Variants in SULF2 observed in about 807,000 individuals in gnomAD.
The protein encoded by SULF2 is sulfatase 2.
A neutral mutation model predicts 107.7 loss-of-function variants in SULF2; 52 were observed. The observed-to-expected ratio is 0.48, with a 90% CI of 0.39 to 0.61. SULF2 has a LOEUF of 0.61. Among genes scored for constraint, SULF2 ranks in the 20% least tolerant of loss-of-function variants. The pLI, the probability that SULF2 is intolerant of heterozygous loss-of-function variation, is 0.00. For missense variants in SULF2, 993 were observed against 1,177.3 expected (o/e 0.84, Z 2.29); for synonymous variants, 460 against 464.3 (o/e 0.99, Z 0.12).
intron 2 of SULF2, among the ~76,000 whole-genome samples, chr20:47,743,996 C>T (rs951018807): frequency 6.6e-6 from 1 of 152,116 alleles, no homozygotes; most frequent in Non-Finnish European, 1.5e-5. Context: ...TCCTTCTTGC[C>T]TTTTGCTGCT....
rs536732621 is a variant in SULF2, at chr20:47,684,560, C to G, written c.759G>C (p.Ala253=). 1.2e-6 allele frequency: 2 copies of G among 1,613,736 alleles called. No homozygotes were observed. The highest frequency in any genetic ancestry group is 8.5e-7 in the Non-Finnish European group (1 of 1,179,882). The change falls in exon 6 of 21, where the codon GCG becomes GCC. Residue 253 remains alanine (A), a synonymous_variant. Coordinates refer to ENST00000688720, the MANE Select transcript of SULF2 (RefSeq NM_001387048.1). ...SQHITPSYNY[A]PNPDKHWIMR... ...TGATCCAGTGTTTGTCCGGGTTGGG[C>G]GCGTAGTTGTAGCTCGGCGTGCTGG...
chr20:47,747,200 C>G (rs6094809), intron 2 of SULF2, among the ~76,000 whole-genome samples: 74,585 of 151,630 alleles, frequency 0.49, 18,375 homozygotes, highest in South Asian at 0.54. Flanking sequence ...TGAACCATTC[C>G]TGACTCTTGG....
Position 47,658,088 on chromosome 20 carries a change from T to G in SULF2, c.*274A>C, listed in dbSNP as rs1325858611. 1 of 510,112 alleles carries G rather than the reference T, an allele frequency of 2.0e-6. No individual in the cohort carries two copies. The highest frequency in any genetic ancestry group is 3.5e-6 in the Non-Finnish European group (1 of 285,316). The allele number at this position is 510,112 out of a possible 1,614,324, so 31.6% of individuals were successfully genotyped here. ...CCTTTGTGAGCTTCTGGGGGAGGGT[T>G]AGTGGTGACTTTTTGATACGAAAAA... On this transcript the variant is annotated 3_prime_UTR_variant, in exon 21 of 21. Coordinates refer to ENST00000688720, the MANE Select transcript of SULF2 (RefSeq NM_001387048.1).
At chr20:47,700,749 C>A (rs2088538820) in intron 4 of SULF2, among the ~76,000 whole-genome samples, 1 of 151,524 alleles carries the variant, frequency 6.6e-6, no homozygotes, top group Non-Finnish European at 1.5e-5. Flanking sequence ...GGGTTCACAC[C>A]ATTCTCCTGC....
At chr20:47,716,495 ACT>A (rs1183771835) in intron 3 of SULF2, among the ~76,000 whole-genome samples, 2 of 152,108 alleles carry the variant, frequency 1.3e-5, no homozygotes, top group Non-Finnish European at 2.9e-5. Flanking sequence ...ACAGAGCAAG[ACT>A]CTGTCTTGGG....
At chr20:47,767,157 CTT>C (rs1324906745) in intron 1 of SULF2, among the ~76,000 whole-genome samples, 3 of 152,172 alleles carry the variant, frequency 2.0e-5, no homozygotes, top group African/African-American at 4.8e-5. Context: ...GTCTGAACCT[CTT>C]GTCTTCTCAG....
At chr20:47,696,452 C>A (rs1436001716) in intron 4 of SULF2, among the ~76,000 whole-genome samples, 1 of 152,130 alleles carries the variant, frequency 6.6e-6, no homozygotes, top group Non-Finnish European at 1.5e-5. Flanking sequence ...TGGGAATAAC[C>A]TTTCCAGTGT....
intron 3 of SULF2, among the ~76,000 whole-genome samples, chr20:47,704,272 T>C (rs2088658491): frequency 7.5e-6 from 1 of 133,892 alleles, no homozygotes; most frequent in Non-Finnish European, 1.6e-5. Flanking sequence ...TTATTTTGCA[T>C]GTACATTTTT....
intron 2 of SULF2, among the ~76,000 whole-genome samples, chr20:47,748,322 T>A (rs1436623269): frequency 6.6e-6 from 1 of 152,192 alleles, no homozygotes. Flanking sequence ...TCCACATGAA[T>A]GTCTCCTCAT....
chr20:47,763,308 C>T (rs1251008712), intron 1 of SULF2, among the ~76,000 whole-genome samples: 1 of 142,184 alleles, frequency 7.0e-6, no homozygotes, highest in East Asian at 2.0e-4. Context: ...CTCAATTTCT[C>T]TGCCGATCTG....
chr20:47,685,716 T>C (rs992429708), intron 5 of SULF2: 2 of 152,082 alleles, frequency 1.3e-5, no homozygotes, highest in African/African-American at 4.8e-5. Context: ...GGTTTTGCCA[T>C]GTTGGCCAGG....
At chr20:47,719,515 G>A (rs1175682373) in intron 3 of SULF2, among the ~76,000 whole-genome samples, 2 of 152,176 alleles carry the variant, frequency 1.3e-5, no homozygotes, top group African/African-American at 4.8e-5. Flanking sequence ...CCAACACCAT[G>A]CCTGCCACAT....
intron 7 of SULF2, among the ~76,000 whole-genome samples, chr20:47,679,946 T>C (rs2087769952): frequency 6.6e-6 from 1 of 152,190 alleles, no homozygotes; most frequent in East Asian, 1.9e-4. Flanking sequence ...TTTACTTATT[T>C]CTCTGGCTTA....
intron 3 of SULF2, among the ~76,000 whole-genome samples, chr20:47,711,751 A>C (rs1273362144): frequency 2.0e-5 from 3 of 152,238 alleles, no homozygotes; most frequent in African/African-American, 4.8e-5. Flanking sequence ...ACCAGCACAC[A>C]AACACATCTA....
At chr20:47,742,760 G>A (rs1305368952) in intron 2 of SULF2, among the ~76,000 whole-genome samples, 1 of 152,130 alleles carries the variant, frequency 6.6e-6, no homozygotes, top group Non-Finnish European at 1.5e-5. Context: ...CATCCAGTAA[G>A]TCCATCGTTG....
intron 10 of SULF2, among the ~76,000 whole-genome samples, 158 bp downstream of exon 10, chr20:47,676,336 C>T (rs550118939): frequency 6.6e-6 from 1 of 152,378 alleles, no homozygotes; most frequent in South Asian, 2.1e-4. Context: ...GAGCATCATC[C>T]TGCACCACCA....
chr20:47,672,273 T>C lies in SULF2; in HGVS notation c.1501A>G (p.Ser501Gly). ...NLVPKYYGQG[S>G]EACTCDSGDY... Reference sequence around the variant, plus strand: ...CCGCTGTCACAGGTGCAGGCCTCGCTGCCCTGCCCGTAGTACTTGGGCACG... The same window carrying C: ...CCGCTGTCACAGGTGCAGGCCTCGCCGCCCTGCCCGTAGTACTTGGGCACG... The change falls in exon 11 of 21, where the codon AGC (serine) becomes GGC (glycine). Residue 501 changes from serine to glycine, a missense_variant. Physicochemically the swap from Ser to Gly is moderately conservative, Grantham distance 56 (BLOSUM62 0). This residue lies in a region of SULF2 where 497 missense variants were observed against 544.1 expected (regional missense o/e 0.91). Transcript: ENST00000688720. The C allele has an allele frequency of 6.2e-7, 1 of 1,613,570 alleles. No individual in the cohort carries two copies. Among genetic ancestry groups the C allele is most frequent in the East Asian group, 2.2e-5 (1 of 44,888 alleles).
At chr20:47,776,515 G>A (rs1223040420) in intron 1 of SULF2, among the ~76,000 whole-genome samples, 1 of 152,200 alleles carries the variant, frequency 6.6e-6, no homozygotes, top group Non-Finnish European at 1.5e-5. Flanking sequence ...GGTAGGTTGG[G>A]GAGTGGAGGT....
chr20:47,675,044 G>A (rs575411028), intron 10 of SULF2, among the ~76,000 whole-genome samples: 2 of 152,318 alleles, frequency 1.3e-5, no homozygotes, highest in South Asian at 4.1e-4. Flanking sequence ...TTTGGAAAAT[G>A]CTGATACCTC....
Sources: allele counts gnomAD v4.1 joint callset (sites outside exome capture counted in the v4.1 genomes callset), GRCh38; gene constraint gnomAD v4.1.1; regional missense constraint gnomAD v4.1.1; transcripts MANE v1.5; gene names NCBI Gene and HGNC (gene_info 2026-07-23, HGNC 2026-07-21).